Variants in RAPGEF4 observed in about 807,000 individuals in gnomAD.
RAPGEF4 encodes the protein RAP guanine-nucleotide-exchange factor (GEF) 4.
RAPGEF4 carries 66 observed loss-of-function variants against 147.9 expected under a neutral mutation model. The observed-to-expected ratio is 0.45, with a 90% CI of 0.37 to 0.55. The LOEUF is 0.55. Ranked by LOEUF, RAPGEF4 falls within the 20% of genes least tolerant of loss-of-function variation. The probability of loss-of-function intolerance (pLI) is 0.00; values close to 1 mark genes in which losing one functional copy is unlikely to be tolerated. For missense variants in RAPGEF4, 1,071 were observed against 1,257.3 expected (o/e 0.85, Z 2.24); for synonymous variants, 419 against 442.7 (o/e 0.95, Z 0.67).
At chr2:172,796,901 T>C (rs1686431346) in intron 2 of RAPGEF4, among the ~76,000 whole-genome samples, 1 of 152,188 alleles carries the variant, frequency 6.6e-6, no homozygotes, top group Admixed American at 6.5e-5. Flanking sequence ...TGAACCAGTG[T>C]TTTGGAATTA....
At chr2:172,790,395 TA>T (rs1685682766) in intron 1 of RAPGEF4, among the ~76,000 whole-genome samples, 1 of 152,212 alleles carries the variant, frequency 6.6e-6, no homozygotes, top group South Asian at 2.1e-4. Context: ...AGTCATTTTT[TA>T]TAAAAGGCCC....
chr2:172,791,215 G>T (rs1685790245), intron 1 of RAPGEF4, among the ~76,000 whole-genome samples: 1 of 152,206 alleles, frequency 6.6e-6, no homozygotes, highest in Non-Finnish European at 1.5e-5. Flanking sequence ...GGACCAAATA[G>T]CAGAAGGAGT....
intron 21 of RAPGEF4, 105 bp from the exon 22 acceptor site, chr2:173,018,551 G>A (rs911767189): frequency 3.1e-5 from 39 of 1,268,024 alleles, no homozygotes; most frequent in African/African-American, 2.2e-4. Context: ...AACAAAAATG[G>A]CAAAATGATG....
At chr2:172,960,727 A>G (rs762196093) in intron 6 of RAPGEF4, 33 bp from the exon 7 acceptor site, 1 of 1,534,806 alleles carries the variant, frequency 6.5e-7, no homozygotes, top group African/African-American at 1.4e-5. Flanking sequence ...CTTTTTGTTT[A>G]ATTTTCTTTT....
intron 4 of RAPGEF4, among the ~76,000 whole-genome samples, chr2:172,833,610 A>G (rs992060378): frequency 4.6e-5 from 7 of 152,128 alleles, no homozygotes; most frequent in Non-Finnish European, 8.8e-5. Context: ...TCTTTTGTTC[A>G]GTACTCTATT....
intron 4 of RAPGEF4, among the ~76,000 whole-genome samples, chr2:172,902,287 T>C (rs1283803471): frequency 1.5e-5 from 2 of 135,680 alleles, no homozygotes; most frequent in Non-Finnish European, 3.2e-5. Context: ...CATGTCTGCC[T>C]GGATCTTCTT....
chr2:172,782,117 G>C (rs1054963680), intron 1 of RAPGEF4, among the ~76,000 whole-genome samples: 2 of 152,040 alleles, frequency 1.3e-5, no homozygotes, highest in African/African-American at 4.8e-5. Flanking sequence ...TGAATAGCTG[G>C]GATAAGATAT....
At chr2:172,760,846 A>G (rs1382747151) in intron 1 of RAPGEF4, among the ~76,000 whole-genome samples, 2 of 152,324 alleles carry the variant, frequency 1.3e-5, no homozygotes, top group South Asian at 2.1e-4. Flanking sequence ...GATGGACTGA[A>G]TAAAAAATAA....
chr2:172,995,024 G>C (rs992897551), intron 15 of RAPGEF4, among the ~76,000 whole-genome samples: 1 of 152,054 alleles, frequency 6.6e-6, no homozygotes, highest in Non-Finnish European at 1.5e-5. Context: ...TACCAGAGGT[G>C]CTCCCCTCAC....
At chr2:172,831,542 T>C (rs1045032156) in intron 4 of RAPGEF4, among the ~76,000 whole-genome samples, 2 of 152,030 alleles carry the variant, frequency 1.3e-5, no homozygotes, top group Admixed American at 1.3e-4. Flanking sequence ...GTGTTGGAAT[T>C]ACAGGCGTGA....
chr2:172,931,731 A>T (rs1686000870), intron 6 of RAPGEF4, among the ~76,000 whole-genome samples: 1 of 152,202 alleles, frequency 6.6e-6, no homozygotes, highest in East Asian at 1.9e-4. Context: ...AGAGTCATGG[A>T]TGTTATCACA....
At chr2:172,899,592 C>G (rs953066680) in intron 4 of RAPGEF4, among the ~76,000 whole-genome samples, 6 of 152,136 alleles carry the variant, frequency 3.9e-5, no homozygotes, top group Non-Finnish European at 8.8e-5. Context: ...GGCCAGTGAT[C>G]CAAATGACAG....
At chr2:172,961,071 T>A (rs1446372966) in intron 7 of RAPGEF4, 51 bp from the exon 8 acceptor site, 1 of 1,352,566 alleles carries the variant, frequency 7.4e-7, no homozygotes, top group Non-Finnish European at 1.1e-6. Context: ...TTTGTTTTCC[T>A]TCTATAAACA....
intron 4 of RAPGEF4, chr2:172,821,921 C>T (rs750822568): frequency 3.7e-6 from 6 of 1,612,976 alleles, no homozygotes; most frequent in Admixed American, 3.3e-5. Context: ...GATAGATGCT[C>T]ACTGGATGTC....
At chr2:172,752,253 G>T (rs1695369941) in intron 1 of RAPGEF4, among the ~76,000 whole-genome samples, 1 of 152,172 alleles carries the variant, frequency 6.6e-6, no homozygotes, top group South Asian at 2.1e-4. Flanking sequence ...CAGTGTCTTA[G>T]CCAGGCCTTG....
In RAPGEF4 at chr2:172,736,054, T is replaced by TA. The variant is rs1225911648; in HGVS notation, c.65+6_65+7insA. ...ATCGCCTGCCTGGATAAAAGGTAGC[T>TA]CGCCGGGGGCCGCAGCCGGGGGCCG... On this transcript the variant is annotated splice_region_variant and intron_variant, in intron 1 of 30. Transcript: ENST00000397081. The TA allele has an allele frequency of 1.5e-6, 2 of 1,318,698 alleles. No individual in the cohort carries two copies. Among genetic ancestry groups the TA allele is most frequent in the Non-Finnish European group, 1.9e-6 (2 of 1,039,796 alleles). The allele number at this position is 1,318,698 out of a possible 1,614,324, so 81.7% of individuals were successfully genotyped here.
intron 1 of RAPGEF4, among the ~76,000 whole-genome samples, chr2:172,787,314 C>T (rs1685310846): frequency 6.6e-6 from 1 of 151,946 alleles, no homozygotes; most frequent in African/African-American, 2.4e-5. Context: ...ACATTATTAC[C>T]ATTATGATTT....
chr2:173,031,552 C>G (rs1697198084), intron 26 of RAPGEF4, among the ~76,000 whole-genome samples: 1 of 152,174 alleles, frequency 6.6e-6, no homozygotes, highest in Non-Finnish European at 1.5e-5. Flanking sequence ...CATAAAGCCT[C>G]AAAGGGTCCA....
intron 6 of RAPGEF4, among the ~76,000 whole-genome samples, chr2:172,952,890 G>A (rs1688343764): frequency 6.6e-6 from 1 of 152,192 alleles, no homozygotes; most frequent in Admixed American, 6.5e-5. Context: ...GGGTTTGACA[G>A]AATCATTCTA....
Sources: allele counts gnomAD v4.1 joint callset (sites outside exome capture counted in the v4.1 genomes callset), GRCh38; gene constraint gnomAD v4.1.1; transcripts MANE v1.5; gene names NCBI Gene and HGNC (gene_info 2026-07-23, HGNC 2026-07-21).